Variants in GADL1 observed in about 807,000 individuals in gnomAD.
The protein encoded by GADL1 is GAD like acidic amino acid decarboxylase 1.
Under a neutral mutation model 69.5 loss-of-function variants are expected in GADL1, and 71 were observed. That is an observed-to-expected ratio of 1.02 (90% CI 0.84 to 1.25). The LOEUF is 1.25. GADL1 is among the 50% of genes most tolerant of loss of function. GADL1 has a pLI of 0.00. For missense variants in GADL1, 737 were observed against 631.8 expected, an observed-to-expected ratio of 1.17 and a Z score of -1.79; for synonymous variants, 254 against 214.4, an observed-to-expected ratio of 1.18 and a Z score of -1.62.
At chr3:30,858,377 T>C (rs1393861949) in intron 2 of GADL1, among the ~76,000 whole-genome samples, 1 of 152,044 alleles carries the variant, frequency 6.6e-6, no homozygotes, top group Non-Finnish European at 1.5e-5. Flanking sequence ...ATAGCTTTAG[T>C]TGTTATGTGG....
intron 13 of GADL1, among the ~76,000 whole-genome samples, chr3:30,779,690 CTA>C (rs2058770424): frequency 6.6e-6 from 1 of 152,170 alleles, no homozygotes; most frequent in Admixed American, 6.5e-5. Flanking sequence ...AATGAAGTAA[CTA>C]TACCTGACTA....
chr3:30,850,682 ACT>A (rs1698133701), intron 5 of GADL1, among the ~76,000 whole-genome samples, 151 bp downstream of exon 5: 2 of 152,148 alleles, frequency 1.3e-5, no homozygotes, highest in African/African-American at 2.4e-5. Flanking sequence ...AAATATTATC[ACT>A]CTGGAGAAAG....
At chr3:30,764,109 AT>A (rs1696209190) in intron 14 of GADL1, among the ~76,000 whole-genome samples, 1 of 152,102 alleles carries the variant, frequency 6.6e-6, no homozygotes, top group Non-Finnish European at 1.5e-5. Flanking sequence ...GCAAATGTAC[AT>A]TATATATACT....
intron 1 of GADL1, among the ~76,000 whole-genome samples, chr3:30,868,673 C>T (rs182483513): frequency 6.6e-6 from 1 of 151,890 alleles, no homozygotes; most frequent in African/African-American, 2.4e-5. Flanking sequence ...TATATGAACT[C>T]TCTTTTGGCA....
intron 14 of GADL1, among the ~76,000 whole-genome samples, chr3:30,728,644 C>T (rs898431089): frequency 6.6e-6 from 1 of 152,132 alleles, no homozygotes; most frequent in Non-Finnish European, 1.5e-5. Flanking sequence ...GAGGAAGATG[C>T]TACTAATGTG....
chr3:30,871,652 G>A (rs976319796), intron 1 of GADL1, among the ~76,000 whole-genome samples: 22 of 151,850 alleles, frequency 1.4e-4, no homozygotes, highest in East Asian at 3.9e-4. Context: ...ACATGTTCCC[G>A]TCACCCAGAG....
intron 14 of GADL1, among the ~76,000 whole-genome samples, chr3:30,737,121 C>A (rs1294059231): frequency 1.3e-5 from 2 of 152,072 alleles, no homozygotes; most frequent in African/African-American, 4.8e-5. Flanking sequence ...CCAATCAGAG[C>A]AGCTGAATTT....
intron 13 of GADL1, among the ~76,000 whole-genome samples, chr3:30,781,188 T>A (rs1696657917): frequency 1.3e-5 from 2 of 152,176 alleles, no homozygotes; most frequent in African/African-American, 4.8e-5. Context: ...TTTAAAAAAT[T>A]CATGATAAAG....
chr3:30,734,806 C>G (rs183929849), intron 14 of GADL1, among the ~76,000 whole-genome samples: 1 of 152,294 alleles, frequency 6.6e-6, no homozygotes, highest in Admixed American at 6.5e-5. Context: ...CCCAACACAG[C>G]TTGCTTTTGT....
rs1009487816 is a variant in GADL1 at position 30,778,302 on chromosome 3, T to G, written c.1303-34A>C. On this transcript the variant is annotated intron_variant, in intron 13 of 14. Transcript: ENST00000282538. The stretch of plus-strand genomic sequence containing the variant: ...TAGAAAAAATATAAAGTTGTTATCT[T>G]AAGATTTATCTTAGAATGCAATGAA... 2.3e-6 allele frequency: 3 copies of G among 1,326,920 alleles called. No individual in the cohort carries two copies. The Admixed American group carries it at 5.3e-5, about 23-fold the overall frequency. 82.2% of individuals were successfully genotyped at this position (1,326,920 alleles called of 1,614,324 possible).
At chr3:30,815,758 T>C (rs958646503) in intron 11 of GADL1, among the ~76,000 whole-genome samples, 2 of 152,208 alleles carry the variant, frequency 1.3e-5, no homozygotes, top group African/African-American at 4.8e-5. Flanking sequence ...TCTAAATCAA[T>C]GTTTTCTATT....
At chr3:30,769,495 TC>T (rs1696366970) in intron 14 of GADL1, among the ~76,000 whole-genome samples, 1 of 152,100 alleles carries the variant, frequency 6.6e-6, no homozygotes, top group Admixed American at 6.5e-5. Flanking sequence ...TGAGGGAAAT[TC>T]CTCCTGCTTC....
intron 14 of GADL1, 24 bp from the exon 15 acceptor site, chr3:30,728,439 G>C (rs12054099): frequency 3.7e-6 from 6 of 1,603,026 alleles, no homozygotes; most frequent in Admixed American, 3.3e-5. Context: ...AAAGGGGAGA[G>C]GGGTGAAAGA....
intron 9 of GADL1, among the ~76,000 whole-genome samples, chr3:30,834,811 C>T (rs1221850535): frequency 1.3e-5 from 2 of 151,964 alleles, no homozygotes; most frequent in South Asian, 4.1e-4. Context: ...AGAGAGAGGG[C>T]AAGCTTGGGA....
At chr3:30,764,989 G>C (rs890695598) in intron 14 of GADL1, among the ~76,000 whole-genome samples, 3 of 152,140 alleles carry the variant, frequency 2.0e-5, no homozygotes, top group Admixed American at 2.0e-4. Flanking sequence ...TGCAGGAAAA[G>C]TCTGACAATG....
chr3:30,737,247 A>G (rs1277966386), intron 14 of GADL1, among the ~76,000 whole-genome samples: 1 of 152,132 alleles, frequency 6.6e-6, no homozygotes. Flanking sequence ...TGGGAGAGGC[A>G]AAGGTGAGGT....
Position 30,861,772 on chromosome 3 carries a change from G to T in GADL1, c.38-7C>A. On this transcript the variant is annotated splice_region_variant and splice_polypyrimidine_tract_variant and intron_variant, in intron 1 of 14. Transcript: ENST00000282538. ...TCTTGTTGATCAATATCTCCTGGAA[G>T]CAAGCAAACAAATTGTGTTTGAGAG... 1 of 1,535,102 alleles carries T rather than the reference G, an allele frequency of 6.5e-7. No individual in the cohort carries two copies. The highest frequency in any genetic ancestry group is 8.8e-7 in the Non-Finnish European group (1 of 1,137,068).
intron 11 of GADL1, among the ~76,000 whole-genome samples, chr3:30,806,301 A>G (rs1001102213): frequency 3.3e-5 from 5 of 152,186 alleles, no homozygotes; most frequent in African/African-American, 1.2e-4. Flanking sequence ...GACCTATTAT[A>G]TAACAAGCAC....
chr3:30,767,704 TATG>T (rs1415959302), intron 14 of GADL1, among the ~76,000 whole-genome samples: 1 of 152,010 alleles, frequency 6.6e-6, no homozygotes, highest in East Asian at 1.9e-4. Context: ...TGGAATAAAT[TATG>T]AAGGAAAAGA....
Sources: allele counts gnomAD v4.1 joint callset (sites outside exome capture counted in the v4.1 genomes callset), GRCh38; gene constraint gnomAD v4.1.1; transcripts MANE v1.5; gene names NCBI Gene and HGNC (gene_info 2026-07-23, HGNC 2026-07-21).